TNS1: variants seen among roughly 807,000 people sequenced by gnomAD.
The protein encoded by TNS1 is tensin 1.
A neutral mutation model predicts 168.6 loss-of-function variants in TNS1; 62 were observed. The observed-to-expected ratio is 0.37, with a 90% CI of 0.30 to 0.45. TNS1 has a LOEUF of 0.45. Among genes scored for constraint, TNS1 ranks in the 20% least tolerant of loss-of-function variants. TNS1 has a pLI of 1.00. For missense variants in TNS1, 2,240 were observed against 2,339.4 expected, an observed-to-expected ratio of 0.96 and a Z score of 0.88; for synonymous variants, 934 against 933.2, an observed-to-expected ratio of 1.00 and a Z score of -0.02.
intron 3 of TNS1, among the ~76,000 whole-genome samples, chr2:217,950,916 G>A (rs952579020): frequency 3.3e-5 from 5 of 151,538 alleles, no homozygotes; most frequent in African/African-American, 4.9e-5. Flanking sequence ...TCCCTGCCCC[G>A]GGCTCCGAGG....
chr2:217,849,499 C>A (rs1947173195), intron 18 of TNS1, among the ~76,000 whole-genome samples: 2 of 152,246 alleles, frequency 1.3e-5, no homozygotes, highest in Non-Finnish European at 2.9e-5. Flanking sequence ...ATTAAATACA[C>A]TGTGCTTTGA....
chr2:217,867,974 T>C (rs1480416934), intron 18 of TNS1, among the ~76,000 whole-genome samples: 1 of 152,266 alleles, frequency 6.6e-6, no homozygotes, highest in East Asian at 1.9e-4. Flanking sequence ...TTATTATGGT[T>C]GTTTTTAAAT....
At chr2:217,877,903 C>A (rs1033663811) in intron 18 of TNS1, among the ~76,000 whole-genome samples, 1 of 152,200 alleles carries the variant, frequency 6.6e-6, no homozygotes, top group African/African-American at 2.4e-5. Flanking sequence ...CCCTGCCCCC[C>A]TCCTCCAAGT....
chr2:217,846,043 CA>C (rs1485734493), intron 19 of TNS1, among the ~76,000 whole-genome samples: 1 of 152,102 alleles, frequency 6.6e-6, no homozygotes, highest in Admixed American at 6.5e-5. Context: ...CTGACAAAGC[CA>C]GGGGGGTATC....
At chr2:217,835,059 C>T in intron 21 of TNS1, 32 bp downstream of exon 21, 1 of 1,552,276 alleles carries the variant, frequency 6.4e-7, no homozygotes, top group Non-Finnish European at 8.6e-7. Context: ...GGAGGGTACA[C>T]AGGGAAGACG....
intron 4 of TNS1, among the ~76,000 whole-genome samples, chr2:217,916,894 ACAC>A (rs1228566150): frequency 6.6e-6 from 1 of 152,218 alleles, no homozygotes; most frequent in Non-Finnish European, 1.5e-5. Context: ...AAGGACAGAC[ACAC>A]CATGAGGGAC....
chr2:217,892,898 G>C (rs762395423), intron 11 of TNS1, 50 bp downstream of exon 11: 9 of 1,583,644 alleles, frequency 5.7e-6, no homozygotes, highest in South Asian at 1.1e-5. Context: ...GAGAGGAGGG[G>C]GGTCACACTG....
At chr2:217,832,519 A>G (rs1944582761) in intron 21 of TNS1, among the ~76,000 whole-genome samples, 1 of 152,192 alleles carries the variant, frequency 6.6e-6, no homozygotes, top group Non-Finnish European at 1.5e-5. Context: ...CCACAGCCCC[A>G]AGGATACTCT....
At chr2:217,950,698 C>G (rs1004398840) in intron 3 of TNS1, among the ~76,000 whole-genome samples, 1 of 151,172 alleles carries the variant, frequency 6.6e-6, no homozygotes, top group African/African-American at 2.4e-5. Context: ...GAGCTGTCCA[C>G]TGGCCCAGGT....
rs1327914392 is a variant in TNS1 at position 217,906,389 on chromosome 2, C to A, written c.271-4G>T. ...CACCCCGGGAGGCTCCTTCTCCCTGCAGACAGAGAAAAGGCAGTCAGAGAG... is the reference window on the plus strand; with the variant it reads ...CACCCCGGGAGGCTCCTTCTCCCTGAAGACAGAGAAAAGGCAGTCAGAGAG... On this transcript the variant is annotated splice_region_variant and splice_polypyrimidine_tract_variant and intron_variant, in intron 5 of 32. Transcript: ENST00000682258. The A allele has an allele frequency of 1.4e-6, 1 of 702,660 alleles. No individual in the cohort carries two copies. The highest frequency in any genetic ancestry group is 2.7e-5 in the East Asian group (1 of 37,264). 43.5% of individuals were successfully genotyped at this position (702,660 alleles called of 1,614,324 possible).
chr2:217,850,837 G>A (rs1039813970), intron 18 of TNS1, among the ~76,000 whole-genome samples: 7 of 151,992 alleles, frequency 4.6e-5, no homozygotes, highest in Non-Finnish European at 7.4e-5. Context: ...AGACAGCACC[G>A]GCATGAACAT....
intron 23 of TNS1, among the ~76,000 whole-genome samples, chr2:217,819,096 T>C (rs1942410749): frequency 6.6e-6 from 1 of 152,226 alleles, no homozygotes; most frequent in Non-Finnish European, 1.5e-5. Flanking sequence ...CTATCGAAAC[T>C]GGAGGTGGCT....
chr2:217,918,776 T>C (rs1246640671), intron 4 of TNS1, among the ~76,000 whole-genome samples: 1 of 134,246 alleles, frequency 7.4e-6, no homozygotes, highest in African/African-American at 2.8e-5. Flanking sequence ...CGGACTCCCA[T>C]GGTGTCCCTC....
At chr2:217,886,008 G>C (rs2288167) in intron 14 of TNS1, 36 bp downstream of exon 14, 188,556 of 1,611,114 alleles carry the variant, frequency 0.12, 15,542 homozygotes, top group African/African-American at 0.35. Flanking sequence ...CTGGGCCTTG[G>C]GCTTCTCTGG....
intron 3 of TNS1, among the ~76,000 whole-genome samples, chr2:217,940,255 C>T (rs1016661854): frequency 6.6e-6 from 1 of 152,242 alleles, no homozygotes; most frequent in African/African-American, 2.4e-5. Flanking sequence ...CCTCTCCCTC[C>T]ACCCATTTCT....
At position 217,809,797 on chromosome 2, in the gene TNS1, C is replaced by A. The variant is rs1940489826; in HGVS notation, c.5273+26G>T. 2.5e-6 allele frequency: 4 copies of A among 1,602,602 alleles called. No individual in the cohort carries two copies. In the South Asian group the frequency reaches 4.5e-5, roughly 18 times the overall value. On this transcript the variant is annotated intron_variant, in intron 30 of 32. Transcript: ENST00000682258. ...ATGAGTCACAGGAAGGAGAACCCCA[C>A]CGAGGAGCAGGCAGGGGAGTCTTAC...
In TNS1 at chr2:217,801,135, G is replaced by A. The variant is rs1937425555; in HGVS notation, c.*3324C>T. ...TGGAGGAGACGCTCAGATGACATGG[G>A]TCAAAGGCCTTTCCCAAACTTAGGA... is the stretch of plus-strand genomic sequence containing the variant. On this transcript the variant is annotated 3_prime_UTR_variant, in exon 33 of 33. Transcript: ENST00000682258. 6.6e-6 allele frequency: 1 copy of A among 152,220 alleles called. No homozygotes were observed. Among genetic ancestry groups the A allele is most frequent in the Non-Finnish European group, 1.5e-5 (1 of 68,064 alleles). 9.4% of individuals were successfully genotyped at this position (152,220 alleles called of 1,614,324 possible). A position where few individuals can be genotyped will look rare whatever the true frequency, so the allele number is the denominator to read the frequency against.
chr2:217,813,348 T>C lies in TNS1; in HGVS notation c.4862-41A>G. ...AGAAATAAGGCTCAGTCCCTGCCCATGGCTTCCTCCCACCACCTCCCAAGA... is the reference window on the plus strand; with the variant it reads ...AGAAATAAGGCTCAGTCCCTGCCCACGGCTTCCTCCCACCACCTCCCAAGA... On this transcript the variant is annotated intron_variant, in intron 26 of 32. Transcript: ENST00000682258. The surrounding 1 kb of genome is among the most constrained non-coding windows in gnomAD (Gnocchi z 4.0). The C allele has an allele frequency of 1.4e-6, 2 of 1,470,966 alleles. No individual in the cohort carries two copies. The highest frequency in any genetic ancestry group is 1.4e-5 in the African/African-American group (1 of 71,492). The allele number at this position is 1,470,966 out of a possible 1,614,324, so 91.1% of individuals were successfully genotyped here.
chr2:218,005,153 C>T, upstream of TNS1, among the ~76,000 whole-genome samples: 1 of 152,268 alleles, frequency 6.6e-6, no homozygotes, highest in East Asian at 1.9e-4. Flanking sequence ...TCCCCGCTGC[C>T]TGCTCCCACA....
Sources: allele counts gnomAD v4.1 joint callset (sites outside exome capture counted in the v4.1 genomes callset), GRCh38; gene constraint gnomAD v4.1.1; non-coding constraint Gnocchi (gnomAD v3.1); transcripts MANE v1.5; gene names NCBI Gene and HGNC (gene_info 2026-07-23, HGNC 2026-07-21).